The following CADPS variants were observed in gnomAD, a reference collection of about 807,000 sequenced individuals.
The protein encoded by CADPS is calcium-dependent secretion activator 1.
Under a neutral mutation model 167.3 loss-of-function variants are expected in CADPS, and 57 were observed. The ratio of observed to expected loss-of-function variants is 0.34; its 90% CI spans 0.28 to 0.42. The LOEUF (loss-of-function observed/expected upper bound fraction) is 0.42. Among genes scored for constraint, CADPS ranks in the 20% least tolerant of loss-of-function variants. CADPS has a pLI of 1.00. For synonymous variants in CADPS, 676 were observed against 635.3 expected, an observed-to-expected ratio of 1.06 and a Z score of -0.96; for missense variants, 1,414 against 1,738.1, an observed-to-expected ratio of 0.81 and a Z score of 3.32.
chr3:62,418,973 A>G (rs2050758975), intron 28 of CADPS, among the ~76,000 whole-genome samples: 1 of 152,222 alleles, frequency 6.6e-6, no homozygotes, highest in Non-Finnish European at 1.5e-5. Context: ...CAGCTGCTCT[A>G]ATACCCCTGG....
At chr3:62,530,046 G>A (rs1209575379) in intron 13 of CADPS, among the ~76,000 whole-genome samples, 4 of 152,080 alleles carry the variant, frequency 2.6e-5, no homozygotes, top group Non-Finnish European at 5.9e-5. Flanking sequence ...AAACAGGACA[G>A]GATAAACAAA....
chr3:62,645,231 C>T (rs1579499232), intron 6 of CADPS, among the ~76,000 whole-genome samples: 1 of 151,860 alleles, frequency 6.6e-6, no homozygotes, highest in African/African-American at 2.4e-5. Context: ...GGATAACAGA[C>T]TACAAACTGG....
chr3:62,725,819 T>C (rs1575529879), intron 3 of CADPS, among the ~76,000 whole-genome samples: 1 of 151,898 alleles, frequency 6.6e-6, no homozygotes, highest in South Asian at 2.1e-4. Context: ...AAGGGAAACA[T>C]TTATCATGGC....
At chr3:62,650,789 A>T in intron 5 of CADPS, 58 bp downstream of exon 5, 1 of 1,275,262 alleles carries the variant, frequency 7.8e-7, no homozygotes, top group Non-Finnish European at 1.1e-6. Flanking sequence ...TGACGCATCT[A>T]ATCGCCCATG....
intron 1 of CADPS, among the ~76,000 whole-genome samples, chr3:62,856,303 T>G (rs1296336549): frequency 6.6e-6 from 1 of 152,170 alleles, no homozygotes; most frequent in Non-Finnish European, 1.5e-5. Flanking sequence ...GTATAGGCCA[T>G]GTATGTTGAA....
chr3:62,618,817 C>G (rs2062730907), intron 6 of CADPS, among the ~76,000 whole-genome samples: 3 of 152,150 alleles, frequency 2.0e-5, no homozygotes, highest in Admixed American at 2.0e-4. Flanking sequence ...ACTAAAATTT[C>G]CTTTATGTAT....
At chr3:62,527,585 T>C in intron 13 of CADPS, among the ~76,000 whole-genome samples, 1 of 152,148 alleles carries the variant, frequency 6.6e-6, no homozygotes, top group East Asian at 1.9e-4. Context: ...GTGTCTACAC[T>C]TGACTACAGT....
chr3:62,773,006 G>A (rs949119340), intron 1 of CADPS, among the ~76,000 whole-genome samples: 1 of 151,820 alleles, frequency 6.6e-6, no homozygotes, highest in Non-Finnish European at 1.5e-5. Context: ...ATCATTATCT[G>A]GGAAAAAAGG....
chr3:62,596,126 CACACACACACACACACAT>C (rs1562649282), intron 6 of CADPS, among the ~76,000 whole-genome samples: 1 of 123,318 alleles, frequency 8.1e-6, no homozygotes, highest in Admixed American at 9.1e-5. Context: ...CACACACACA[CACACACACACACACACAT>C]ATCCTATTAG....
intron 3 of CADPS, among the ~76,000 whole-genome samples, chr3:62,740,078 C>T (rs2079872408): frequency 6.6e-6 from 1 of 152,186 alleles, no homozygotes; most frequent in Non-Finnish European, 1.5e-5. Context: ...GATTGGGGTT[C>T]TGTTGACCTA....
intron 1 of CADPS, among the ~76,000 whole-genome samples, chr3:62,823,699 T>C (rs920536228): frequency 6.6e-6 from 1 of 152,198 alleles, no homozygotes; most frequent in African/African-American, 2.4e-5. Context: ...GTTACAGTCC[T>C]ATCAGAAAAG....
At chr3:62,632,201 G>A (rs1388264619) in intron 6 of CADPS, among the ~76,000 whole-genome samples, 4 of 152,130 alleles carry the variant, frequency 2.6e-5, no homozygotes. Flanking sequence ...CACACCCACA[G>A]ATACAGAAAA....
intron 6 of CADPS, among the ~76,000 whole-genome samples, chr3:62,597,334 G>A (rs1391229156): frequency 1.3e-5 from 2 of 152,132 alleles, no homozygotes; most frequent in Non-Finnish European, 2.9e-5. Flanking sequence ...GTGACAGAGC[G>A]AGACCTTGTC....
At chr3:62,853,111 C>A (rs1270592190) in intron 1 of CADPS, among the ~76,000 whole-genome samples, 1 of 152,074 alleles carries the variant, frequency 6.6e-6, no homozygotes, top group Non-Finnish European at 1.5e-5. Context: ...AGAAAATGAG[C>A]TGAATTCCTA....
intron 1 of CADPS, among the ~76,000 whole-genome samples, chr3:62,778,907 CTTTTTTT>C (rs5849501): frequency 6.7e-6 from 1 of 148,786 alleles, no homozygotes; most frequent in Non-Finnish European, 1.5e-5. Context: ...AGAACATTTA[CTTTTTTT>C]TTTTTTAAGA....
intron 1 of CADPS, among the ~76,000 whole-genome samples, chr3:62,806,041 T>C (rs914766198): frequency 1.4e-4 from 22 of 152,086 alleles, no homozygotes; most frequent in Non-Finnish European, 3.2e-4. Flanking sequence ...CCAACCTTCT[T>C]TAAATAATCC....
chr3:62,557,597 G>T lies in CADPS; in HGVS notation c.1645-84C>A. 9 of 1,035,192 alleles carry T rather than the reference G, an allele frequency of 8.7e-6. No homozygotes were observed. In the South Asian group the frequency reaches 9.0e-5, roughly 10 times the overall value. 64.1% of individuals were successfully genotyped at this position (1,035,192 alleles called of 1,614,324 possible). On this transcript the variant is annotated intron_variant, in intron 9 of 29. Coordinates refer to ENST00000383710, the MANE Select transcript of CADPS (RefSeq NM_003716.4). ...CCTCCCCCATGTTCTCTCCTCTGAG[G>T]ATCTGGACTGAGTGGCTGGGTTCAA...
rs978036486 is a variant in CADPS, at chr3:62,433,381, G to A, written c.3777+4723C>T. 2.6e-5 allele frequency among the ~76,000 whole-genome samples: 4 copies of A among 152,098 alleles called. No homozygotes were observed. The highest frequency in any genetic ancestry group is 1.9e-4 in the East Asian group (1 of 5,174). Reference sequence around the variant, plus strand: ...AGAATACTGAGTAGCAGCCCCTTCCGAAGCTGACCACACTGCTTGATTAAG... The same window carrying A: ...AGAATACTGAGTAGCAGCCCCTTCCAAAGCTGACCACACTGCTTGATTAAG... On this transcript the variant is annotated intron_variant, in intron 28 of 29. Transcript: ENST00000383710. This position sits in a 1 kb window ranked among gnomAD's most constrained non-coding sequence, Gnocchi z 4.7.
At chr3:62,573,186 C>T (rs1562330588) in intron 8 of CADPS, among the ~76,000 whole-genome samples, 1 of 152,078 alleles carries the variant, frequency 6.6e-6, no homozygotes, top group African/African-American at 2.4e-5. Context: ...CTGGCCCCTC[C>T]CATATACATT....
Sources: gnomAD v4.1 joint callset for allele counts (sites outside exome capture counted in the v4.1 genomes callset) on GRCh38, gnomAD v4.1.1 for gene constraint, Gnocchi (gnomAD v3.1) non-coding constraint, MANE v1.5 for transcripts, NCBI Gene and HGNC (gene_info 2026-07-23, HGNC 2026-07-21) for gene names.